Variants in CUTC observed in about 807,000 individuals in gnomAD.
The protein encoded by CUTC is cutC copper transporter.
Under a neutral mutation model 36.2 loss-of-function variants are expected in CUTC, and 27 were observed. The ratio of observed to expected loss-of-function variants is 0.75; its 90% CI spans 0.55 to 1.03. The LOEUF (loss-of-function observed/expected upper bound fraction) is 1.03. Among genes scored for constraint, CUTC ranks in the 50% least tolerant of loss-of-function variants. The pLI is 0.00. For missense variants in CUTC, 315 were observed against 343.5 expected (o/e 0.92, Z 0.66); for synonymous variants, 114 against 118.3 (o/e 0.96, Z 0.24).
rs767361548 is a variant in CUTC at position 99,755,941 on chromosome 10, C to A, written c.*202C>A. ...CAGTCACTTCCTTTGCTTAGTCTTA[C>A]CAGTGATTGTCATCATGGTTAAAGC... On this transcript the variant is annotated 3_prime_UTR_variant, in exon 9 of 9. Coordinates refer to ENST00000370476, the MANE Select transcript of CUTC (RefSeq NM_015960.3). 2 of 503,568 alleles carry A rather than the reference C, an allele frequency of 4.0e-6. No homozygotes were observed. The highest frequency in any genetic ancestry group is 7.0e-6 in the Non-Finnish European group (2 of 284,596). The allele number at this position is 503,568 out of a possible 1,614,324, so 31.2% of individuals were successfully genotyped here.
At chr10:99,739,574 T>C in intron 2 of CUTC, 136 bp from the exon 3 acceptor site, 1 of 764,226 alleles carries the variant, frequency 1.3e-6, no homozygotes, top group Non-Finnish European at 2.1e-6. Context: ...AGAGTTTTAC[T>C]CTAGCTTTAT....
intron 1 of CUTC, among the ~76,000 whole-genome samples, chr10:99,734,324 C>T (rs1002363150): frequency 6.6e-6 from 1 of 152,174 alleles, no homozygotes; most frequent in Non-Finnish European, 1.5e-5. Context: ...ACCTTGGCCT[C>T]CCAAAGTACT....
At chr10:99,754,713 G>A (rs1215366918) in intron 8 of CUTC, 79 bp downstream of exon 8, 5 of 962,052 alleles carry the variant, frequency 5.2e-6, no homozygotes, top group African/African-American at 1.6e-5. Context: ...ACTTTGGATG[G>A]GGGCATGATT....
In CUTC at chr10:99,755,803, T is replaced by G; in HGVS notation, c.*64T>G. 2.2e-5 allele frequency: 23 copies of G among 1,059,600 alleles called. No individual in the cohort carries two copies. Among genetic ancestry groups the G allele is most frequent in the Non-Finnish European group, 3.0e-5 (21 of 688,956 alleles). The allele number at this position is 1,059,600 out of a possible 1,614,324, so 65.6% of individuals were successfully genotyped here. A position where few individuals can be genotyped will look rare whatever the true frequency, so the allele number is the denominator to read the frequency against. ...GGTAGAACTATAATCTGCAATTCTC[T>G]ATGACACAGCTTTAACCTTCTTCTC... On this transcript the variant is annotated 3_prime_UTR_variant, in exon 9 of 9. Transcript: ENST00000370476.
intron 3 of CUTC, 144 bp from the exon 4 acceptor site, chr10:99,743,009 A>C: frequency 1.4e-6 from 1 of 693,036 alleles, no homozygotes; most frequent in South Asian, 1.9e-5. Context: ...ACCCTTTGCT[A>C]TTACTTACCT....
intron 2 of CUTC, among the ~76,000 whole-genome samples, chr10:99,736,985 A>G (rs1398328962): frequency 6.6e-6 from 1 of 152,200 alleles, no homozygotes; most frequent in East Asian, 1.9e-4. Flanking sequence ...AAATGTAAAC[A>G]TCAGCCGGGT....
chr10:99,751,715 G>A (rs556106357), intron 7 of CUTC, among the ~76,000 whole-genome samples: 60 of 152,138 alleles, frequency 3.9e-4, no homozygotes, highest in Admixed American at 7.9e-4. Flanking sequence ...AAAATTAGCC[G>A]GCCATGGTGG....
rs1222857225 is a variant in CUTC, at chr10:99,736,281, G to T, written c.97G>T (p.Asp33Tyr). The change falls in exon 2 of 9, where the codon GAT becomes TAT. Residue 33 changes from aspartate (D) to tyrosine (Y), a missense_variant. Asp to Tyr is a radical substitution (Grantham distance 160, BLOSUM62 -3). Coordinates refer to ENST00000370476, the MANE Select transcript of CUTC (RefSeq NM_015960.3). ...ANGFLMEVCV[D>Y]SVESAVNAER... ...TGGATTTCTCATGGAAGTTTGTGTT[G>T]ATTCAGTGGAATCAGCTGTGAATGC... 1.2e-6 allele frequency: 2 copies of T among 1,613,860 alleles called. No individual in the cohort carries two copies. The highest frequency in any genetic ancestry group is 1.1e-5 in the South Asian group (1 of 91,076).
At position 99,755,975 on chromosome 10, in the gene CUTC, G is replaced by A. The variant is rs1590124139; in HGVS notation, c.*236G>A. 2.3e-6 allele frequency: 1 copy of A among 427,856 alleles called. No individual in the cohort carries two copies. The highest frequency in any genetic ancestry group is 4.1e-6 in the Non-Finnish European group (1 of 241,362). The allele number at this position is 427,856 out of a possible 1,614,324, so 26.5% of individuals were successfully genotyped here. On this transcript the variant is annotated 3_prime_UTR_variant, in exon 9 of 9. Coordinates refer to ENST00000370476, the MANE Select transcript of CUTC (RefSeq NM_015960.3). ...GTCATCATGGTTAAAGCTGGTCTGT[G>A]CTTCTTCCATAGACAGAAGCTTAGT...
rs1399501168 is a variant in CUTC, at chr10:99,750,415, A to G, written c.601+19A>G. 15 of 1,585,420 alleles carry G rather than the reference A, an allele frequency of 9.5e-6. No individual in the cohort carries two copies. The highest frequency in any genetic ancestry group is 1.7e-4 in the Middle Eastern group (1 of 5,952). On this transcript the variant is annotated intron_variant, in intron 7 of 8. Coordinates refer to ENST00000370476, the MANE Select transcript of CUTC (RefSeq NM_015960.3). Reference sequence around the variant, plus strand: ...ATGCCAGGTATTTATTTATCTATCAATTCACTAGCATAACACTGAACTATA... The same window carrying G: ...ATGCCAGGTATTTATTTATCTATCAGTTCACTAGCATAACACTGAACTATA...
chr10:99,747,125 G>C lies in CUTC; in HGVS notation c.440-132G>C, dbSNP rs115717567. On this transcript the variant is annotated intron_variant, in intron 5 of 8. Coordinates refer to ENST00000370476, the MANE Select transcript of CUTC (RefSeq NM_015960.3). ...TAACAATCTGACTTGCAGAATTCTT[G>C]AGTGTTTAATAATTGGCCTTTGTAA... 1.8e-4 allele frequency: 175 copies of C among 952,666 alleles called. No homozygotes were observed. The African/African-American group carries it at 2.7e-3, about 15-fold the overall frequency. The allele number at this position is 952,666 out of a possible 1,614,324, so 59.0% of individuals were successfully genotyped here. A position where few individuals can be genotyped will look rare whatever the true frequency, so the allele number is the denominator to read the frequency against.
intron 2 of CUTC, among the ~76,000 whole-genome samples, chr10:99,739,345 C>A (rs1363571241): frequency 6.6e-6 from 1 of 152,050 alleles, no homozygotes; most frequent in African/African-American, 2.4e-5. Flanking sequence ...ATAATAAAGA[C>A]CCTTTTGGGA....
intron 1 of CUTC, among the ~76,000 whole-genome samples, chr10:99,732,778 C>T (rs1372638619): frequency 6.6e-6 from 1 of 152,198 alleles, no homozygotes; most frequent in Admixed American, 6.5e-5. Flanking sequence ...GAGCGCGGAG[C>T]CCAGTTCCTA....
chr10:99,735,782 A>C (rs2037292153), intron 1 of CUTC, among the ~76,000 whole-genome samples: 2 of 152,236 alleles, frequency 1.3e-5, no homozygotes, highest in African/African-American at 4.8e-5. Flanking sequence ...CACTACTCTG[A>C]GGTACATACT....
In CUTC at chr10:99,755,730, C is replaced by G. The variant is rs1564658923; in HGVS notation, c.813C>G (p.Ile271Met). 1 of 1,603,206 alleles carries G rather than the reference C, an allele frequency of 6.2e-7. No individual in the cohort carries two copies. Among genetic ancestry groups the G allele is most frequent in the Non-Finnish European group, 8.5e-7 (1 of 1,170,276 alleles). Residue 271 changes from isoleucine to methionine, a missense_variant, in exon 9 of 9, where the codon ATC becomes ATG. Coordinates refer to ENST00000370476, the MANE Select transcript of CUTC (RefSeq NM_015960.3). ...VRTLNAIAKN[I>M]LV Reference sequence around the variant, plus strand: ...CTTTGAATGCTATCGCAAAGAACATCCTGGTGTAGCCAGACCTCTCTGAGA... The same window carrying G: ...CTTTGAATGCTATCGCAAAGAACATGCTGGTGTAGCCAGACCTCTCTGAGA...
At chr10:99,738,140 C>T (rs1490497639) in intron 2 of CUTC, among the ~76,000 whole-genome samples, 11 of 148,136 alleles carry the variant, frequency 7.4e-5, no homozygotes, top group Admixed American at 2.0e-4. Context: ...AGCAAAACTC[C>T]GTCTCAAAAA....
At chr10:99,736,650 C>T (rs991876993) in intron 2 of CUTC, among the ~76,000 whole-genome samples, 1 of 152,102 alleles carries the variant, frequency 6.6e-6, no homozygotes, top group African/African-American at 2.4e-5. Flanking sequence ...TACTTTTGAA[C>T]ATTATCTATT....
At chr10:99,753,433 A>G (rs1361623454) in intron 7 of CUTC, among the ~76,000 whole-genome samples, 1 of 152,144 alleles carries the variant, frequency 6.6e-6, no homozygotes, top group Non-Finnish European at 1.5e-5. Flanking sequence ...TTTCTGAGAC[A>G]GGGTCTCACT....
At chr10:99,742,282 T>C (rs2037347016) in intron 3 of CUTC, among the ~76,000 whole-genome samples, 1 of 152,246 alleles carries the variant, frequency 6.6e-6, no homozygotes, top group East Asian at 1.9e-4. Context: ...AGCAGAAGTC[T>C]GTGTATGAAT....
Sources: gnomAD v4.1 joint callset for allele counts (sites outside exome capture counted in the v4.1 genomes callset) on GRCh38, gnomAD v4.1.1 for gene constraint, MANE v1.5 for transcripts, NCBI Gene and HGNC (gene_info 2026-07-23, HGNC 2026-07-21) for gene names.